SIAE: variants seen among roughly 807,000 people sequenced by gnomAD.
SIAE encodes sialate O-acetylesterase.
Under a neutral mutation model 52.6 loss-of-function variants are expected in SIAE, and 39 were observed. The observed-to-expected ratio is 0.74, with a 90% CI of 0.57 to 0.97. The LOEUF (loss-of-function observed/expected upper bound fraction) is 0.97. SIAE is among the 50% of genes least tolerant of loss of function. SIAE has a pLI of 0.00. For synonymous variants in SIAE, 233 were observed against 241.4 expected, an observed-to-expected ratio of 0.97 and a Z score of 0.32; for missense variants, 592 against 662.1, an observed-to-expected ratio of 0.89 and a Z score of 1.16.
At chr11:124,675,256 AC>A (rs1184518072), upstream of SIAE, 2 of 1,610,910 alleles carry the variant, frequency 1.2e-6, no homozygotes, top group Admixed American at 1.7e-5. Context: ...GGCAGTTCTT[AC>A]CAAGAAGATG....
chr11:124,665,354 G>A (rs1185126440), intron 2 of SIAE, among the ~76,000 whole-genome samples: 4 of 152,170 alleles, frequency 2.6e-5, no homozygotes, highest in Non-Finnish European at 5.9e-5. Context: ...ACATAATAAG[G>A]TGAGCTCTTT....
chr11:124,641,863 G>T (rs191738033), intron 7 of SIAE, among the ~76,000 whole-genome samples: 121 of 151,596 alleles, frequency 8.0e-4, no homozygotes, highest in African/African-American at 2.8e-3. Context: ...GGGAGGCTGA[G>T]GCAGGAGAAT....
At chr11:124,675,137 G>A (rs1002228744), upstream of SIAE, 23 of 1,211,722 alleles carry the variant, frequency 1.9e-5, 1 homozygote, top group South Asian at 2.5e-4. Flanking sequence ...AAGAATTCAA[G>A]TCCAGATGTA....
At chr11:124,666,785 AG>A (rs1943278711) in intron 2 of SIAE, among the ~76,000 whole-genome samples, 1 of 152,224 alleles carries the variant, frequency 6.6e-6, no homozygotes, top group South Asian at 2.1e-4. Flanking sequence ...ATACTTTCCT[AG>A]GGTTTCTGGC....
At chr11:124,642,587 G>A (rs1176376702) in intron 7 of SIAE, among the ~76,000 whole-genome samples, 1 of 152,164 alleles carries the variant, frequency 6.6e-6, no homozygotes, top group African/African-American at 2.4e-5. Context: ...GAGGATATCT[G>A]GGTATGTTAG....
chr11:124,648,771 G>A (rs539856619), intron 5 of SIAE, among the ~76,000 whole-genome samples: 9 of 152,134 alleles, frequency 5.9e-5, no homozygotes, highest in African/African-American at 9.6e-5. Flanking sequence ...CCACACCCTC[G>A]GGATTATCCC....
intron 3 of SIAE, among the ~76,000 whole-genome samples, chr11:124,655,673 A>AT (rs1269326368): frequency 6.6e-6 from 1 of 152,182 alleles, no homozygotes; most frequent in Non-Finnish European, 1.5e-5. Context: ...ATATACAGTT[A>AT]TCCTTCATGT....
At chr11:124,651,900 G>A (rs1943022308) in intron 4 of SIAE, among the ~76,000 whole-genome samples, 1 of 152,192 alleles carries the variant, frequency 6.6e-6, no homozygotes, top group Admixed American at 6.5e-5. Context: ...TGGTTTCACT[G>A]ACAGTAGGTA....
intron 3 of SIAE, among the ~76,000 whole-genome samples, chr11:124,658,209 G>T (rs1943129445): frequency 6.6e-6 from 1 of 151,788 alleles, no homozygotes; most frequent in Admixed American, 6.5e-5. Context: ...CTGCATAGGG[G>T]AGCAAAGCAT....
intron 5 of SIAE, among the ~76,000 whole-genome samples, chr11:124,649,133 G>C (rs1942981417): frequency 6.6e-6 from 1 of 152,120 alleles, no homozygotes; most frequent in Non-Finnish European, 1.5e-5. Flanking sequence ...TGTTCTTCCT[G>C]TTGGATTGTT....
intron 7 of SIAE, among the ~76,000 whole-genome samples, chr11:124,640,699 C>T (rs532993462): frequency 2.8e-4 from 43 of 152,196 alleles, no homozygotes; most frequent in Non-Finnish European, 5.6e-4. Flanking sequence ...CAGTTCCTCC[C>T]GTTAACAGGA....
At chr11:124,664,117 C>A (rs1033353234) in intron 2 of SIAE, among the ~76,000 whole-genome samples, 2 of 152,130 alleles carry the variant, frequency 1.3e-5, no homozygotes, top group African/African-American at 4.8e-5. Context: ...GCCAGGCACT[C>A]CATCAATTAA....
At chr11:124,672,078 T>C (rs1943369234) in intron 1 of SIAE, among the ~76,000 whole-genome samples, 1 of 151,986 alleles carries the variant, frequency 6.6e-6, no homozygotes, top group Admixed American at 6.6e-5. Flanking sequence ...GCCTGGCCAA[T>C]TTTTTTGTAT....
chr11:124,676,072 T>C (rs1039232700), upstream of SIAE: 8 of 152,214 alleles, frequency 5.3e-5, no homozygotes, highest in African/African-American at 1.4e-4. Context: ...GCAAAATTCC[T>C]TCACTCCTAT....
chr11:124,658,744 C>G (rs1943138833), intron 3 of SIAE: 1 of 152,042 alleles, frequency 6.6e-6, no homozygotes, highest in African/African-American at 2.4e-5. Flanking sequence ...GAACTCTTAC[C>G]TCCTCAGAGA....
At chr11:124,665,404 G>A (rs76629862) in intron 2 of SIAE, among the ~76,000 whole-genome samples, 3,314 of 152,282 alleles carry the variant, frequency 0.022, 137 homozygotes, top group African/African-American at 0.076. Context: ...AACAGCAGAG[G>A]TGCTGCCATG....
intron 3 of SIAE, among the ~76,000 whole-genome samples, chr11:124,655,639 A>G (rs1943087491): frequency 6.6e-6 from 1 of 152,218 alleles, no homozygotes; most frequent in Non-Finnish European, 1.5e-5. Context: ...GTACTGAAAC[A>G]TACTGGAATA....
At chr11:124,655,174 CTTTT>C (rs766294261) in intron 3 of SIAE, among the ~76,000 whole-genome samples, 6 of 135,032 alleles carry the variant, frequency 4.4e-5, no homozygotes, top group South Asian at 2.3e-4. Context: ...TTAACTTCTT[CTTTT>C]TTTTTTTTTT....
chr11:124,643,712 C>G (rs1176350492), intron 7 of SIAE, among the ~76,000 whole-genome samples: 1 of 152,188 alleles, frequency 6.6e-6, no homozygotes, highest in Non-Finnish European at 1.5e-5. Context: ...TTACATCACC[C>G]TGTCCTTTGA....
Sources: gnomAD v4.1 joint callset for allele counts (sites outside exome capture counted in the v4.1 genomes callset) on GRCh38, gnomAD v4.1.1 for gene constraint, MANE v1.5 for transcripts, NCBI Gene and HGNC (gene_info 2026-07-23, HGNC 2026-07-21) for gene names.